The following EYS variants were observed in gnomAD, a reference collection of about 807,000 sequenced individuals.
The protein encoded by EYS is EGF-like photoreceptor maintenance factor.
In EYS, 250 loss-of-function variants were observed where a neutral mutation model predicts 282.1. The observed-to-expected ratio is 0.89, with a 90% CI of 0.80 to 0.98. EYS has a LOEUF of 0.98. Among genes scored for constraint, EYS ranks in the 50% least tolerant of loss-of-function variants. The pLI, the probability that EYS is intolerant of heterozygous loss-of-function variation, is 0.00. For missense variants in EYS, 4,016 were observed against 3,709.0 expected (o/e 1.08, Z -2.15); for synonymous variants, 1,355 against 1,282.9 (o/e 1.06, Z -1.20).
intron 26 of EYS, among the ~76,000 whole-genome samples, chr6:64,453,310 C>A (rs1398508168): frequency 6.6e-6 from 1 of 152,100 alleles, no homozygotes; most frequent in Non-Finnish European, 1.5e-5. Context: ...CAATGAGATA[C>A]CATCTCACAC....
At chr6:64,063,449 G>T (rs554181470) in intron 33 of EYS, among the ~76,000 whole-genome samples, 1 of 152,206 alleles carries the variant, frequency 6.6e-6, no homozygotes, top group Admixed American at 6.5e-5. Flanking sequence ...TTCACTCCTA[G>T]TATTTAATGA....
chr6:64,622,062 A>T (rs1767462389), intron 23 of EYS, among the ~76,000 whole-genome samples: 1 of 152,174 alleles, frequency 6.6e-6, no homozygotes, highest in Non-Finnish European at 1.5e-5. Context: ...AACCCATTTA[A>T]TTCCCTATAT....
chr6:65,581,415 T>C (rs1173777392), intron 2 of EYS, among the ~76,000 whole-genome samples: 2 of 141,608 alleles, frequency 1.4e-5, no homozygotes, highest in Non-Finnish European at 3.1e-5. Flanking sequence ...AAACTATTAA[T>C]AAATATATAT....
chr6:64,106,315 C>G (rs1773009694), intron 31 of EYS, among the ~76,000 whole-genome samples: 1 of 151,824 alleles, frequency 6.6e-6, no homozygotes, highest in Admixed American at 6.6e-5. Context: ...TCCCTGGCAA[C>G]CAATGTCCTC....
At chr6:64,153,155 G>T (rs1282614019) in intron 31 of EYS, among the ~76,000 whole-genome samples, 1 of 152,058 alleles carries the variant, frequency 6.6e-6, no homozygotes, top group Non-Finnish European at 1.5e-5. Context: ...TGGGATTTGG[G>T]GGTTGGAGTT....
chr6:64,813,513 C>A lies in EYS; in HGVS notation c.3308G>T (p.Cys1103Phe). Residue 1103 changes from cysteine (C) to phenylalanine (F), a missense_variant, in exon 22 of 43, where the codon TGC becomes TTC. Cys to Phe is a radical substitution (Grantham distance 205). Transcript: ENST00000503581. ...FCQKSAHGFT[C>F]ICPRGYTGAY... ...ACCAGTGTATCCACGTGGGCAAATG[C>A]AAGTAAATCCATGTGCTGACTTCTG... The A allele has an allele frequency of 5.2e-6, 8 of 1,550,492 alleles. No homozygotes were observed. The highest frequency in any genetic ancestry group is 7.0e-6 in the Non-Finnish European group (8 of 1,146,188).
At chr6:64,509,737 G>A (rs1273278299) in intron 26 of EYS, among the ~76,000 whole-genome samples, 1 of 152,004 alleles carries the variant, frequency 6.6e-6, no homozygotes, top group African/African-American at 2.4e-5. Flanking sequence ...ATGAACAGAT[G>A]GCTTTTGTTC....
chr6:64,369,649 T>G (rs375284964), intron 29 of EYS, among the ~76,000 whole-genome samples: 103 of 152,152 alleles, frequency 6.8e-4, no homozygotes, highest in African/African-American at 2.5e-3. Flanking sequence ...TACAGAACAT[T>G]GATCAAAACA....
intron 13 of EYS, among the ~76,000 whole-genome samples, chr6:65,028,376 G>T (rs1483634144): frequency 6.6e-6 from 1 of 151,756 alleles, no homozygotes; most frequent in African/African-American, 2.4e-5. Context: ...TTTAGAGGAA[G>T]TTTGAAATAT....
intron 12 of EYS, among the ~76,000 whole-genome samples, chr6:65,156,291 T>C (rs752023157): frequency 6.6e-6 from 1 of 151,248 alleles, no homozygotes; most frequent in Admixed American, 6.6e-5. Flanking sequence ...TCCTATGCTG[T>C]CCAATTTCTG....
intron 22 of EYS, among the ~76,000 whole-genome samples, chr6:64,632,718 A>G (rs1193800191): frequency 2.0e-5 from 3 of 152,194 alleles, no homozygotes; most frequent in African/African-American, 4.8e-5. Context: ...TTTCTGGGAA[A>G]CACAATAGGA....
intron 31 of EYS, among the ~76,000 whole-genome samples, chr6:64,130,674 AAAG>A (rs1257774926): frequency 6.6e-6 from 1 of 152,162 alleles, no homozygotes; most frequent in Non-Finnish European, 1.5e-5. Flanking sequence ...CCTTCCGAAC[AAAG>A]AGGGGAGAAG....
At chr6:65,266,926 A>C (rs1285975791) in intron 12 of EYS, among the ~76,000 whole-genome samples, 1 of 140,894 alleles carries the variant, frequency 7.1e-6, no homozygotes, top group African/African-American at 2.7e-5. Flanking sequence ...AGACATATAT[A>C]TACACAAACA....
intron 12 of EYS, among the ~76,000 whole-genome samples, chr6:65,291,841 A>G (rs936128069): frequency 2.0e-5 from 3 of 151,628 alleles, no homozygotes; most frequent in Non-Finnish European, 4.4e-5. Flanking sequence ...AGAGAACTTA[A>G]GCCACTAGCT....
chr6:64,429,932 G>A (rs1774525417), intron 28 of EYS, among the ~76,000 whole-genome samples: 1 of 152,176 alleles, frequency 6.6e-6, no homozygotes, highest in African/African-American at 2.4e-5. Flanking sequence ...TCTTGACACT[G>A]CTGACAGGGG....
chr6:64,099,885 T>C (rs1357122182), intron 31 of EYS, among the ~76,000 whole-genome samples: 3 of 152,238 alleles, frequency 2.0e-5, no homozygotes, highest in Non-Finnish European at 4.4e-5. Context: ...CTGTATGATT[T>C]TCAACTCAAG....
At chr6:64,060,004 T>C (rs1771110797) in intron 33 of EYS, among the ~76,000 whole-genome samples, 1 of 152,132 alleles carries the variant, frequency 6.6e-6, no homozygotes, top group Non-Finnish European at 1.5e-5. Flanking sequence ...GTTTGACCTT[T>C]TTAATATGAA....
intron 31 of EYS, among the ~76,000 whole-genome samples, chr6:64,174,937 C>T (rs577479642): frequency 6.6e-6 from 1 of 151,992 alleles, no homozygotes; most frequent in East Asian, 1.9e-4. Context: ...TTTTCTAAAA[C>T]TAGTAGACTA....
rs533003985 is a variant in EYS, at chr6:65,523,704, T to C, written c.-332-27711A>G. 2.5e-3 allele frequency among the ~76,000 whole-genome samples: 379 copies of C among 152,242 alleles called. 2 individuals carry two copies. The highest frequency in any genetic ancestry group is 8.9e-3 in the African/African-American group (370 of 41,544). ...AAATAACTTTTTTTAAAAAAAAGTT[T>C]AAATGTTTATATACTGCTAGATGGC... On this transcript the variant is annotated intron_variant, in intron 2 of 42. Transcript: ENST00000503581.
Sources: gnomAD v4.1 joint callset for allele counts (sites outside exome capture counted in the v4.1 genomes callset) on GRCh38, gnomAD v4.1.1 for gene constraint, MANE v1.5 for transcripts, NCBI Gene and HGNC (gene_info 2026-07-23, HGNC 2026-07-21) for gene names.